OR5B3: variants seen among roughly 807,000 people sequenced by gnomAD.
OR5B3 encodes the protein olfactory receptor 5B3.
For synonymous variants in OR5B3, 150 were observed against 135.0 expected (o/e 1.11, Z -0.77); for missense variants, 430 against 375.4 (o/e 1.15, Z -1.20).
Position 58,404,091 on chromosome 11 carries a change from A to C in OR5B3, c.-26-656T>G, listed in dbSNP as rs117319700. Among the ~76,000 whole-genome samples the C allele has an allele frequency of 9.2e-5, 14 of 152,236 alleles. No individual in the cohort carries two copies. In the East Asian group the frequency reaches 2.7e-3, roughly 29 times the overall value. On this transcript the variant is annotated intron_variant, in intron 1 of 1. Coordinates refer to ENST00000641865, the MANE Select transcript of OR5B3 (RefSeq NM_001005469.2). ...TTTTGAGTTTCACAATGAAGTAAGC[A>C]AGTAATATATGCTTAGTAAATGGGC... is the stretch of plus-strand genomic sequence containing the variant.
At chr11:58,404,997 A>G (rs965487585) in intron 1 of OR5B3, among the ~76,000 whole-genome samples, 2 of 152,110 alleles carry the variant, frequency 1.3e-5, no homozygotes, top group African/African-American at 4.8e-5. Flanking sequence ...GGATCCTGTC[A>G]CCCTGGTAGT....
intron 1 of OR5B3, among the ~76,000 whole-genome samples, chr11:58,403,641 C>A (rs1288495675): frequency 6.6e-6 from 1 of 152,084 alleles, no homozygotes; most frequent in African/African-American, 2.4e-5. Flanking sequence ...AGATTATCTA[C>A]ACAACTTTTA....
Position 58,402,982 on chromosome 11 carries a change from G to A in OR5B3, c.428C>T (p.Ala143Val). 6.2e-7 allele frequency: 1 copy of A among 1,614,092 alleles called. No individual in the cohort carries two copies. ...GAAACCACAGAGGTAGGAGCCTATG[G>A]CCAGACGAGCACACACAGTTGTTGT... ...TMTTTVCARLAIGSYLCGFLN... is the reference protein window; with the variant it reads ...TMTTTVCARLVIGSYLCGFLN... The change falls in exon 2 of 2, where the codon GCC becomes GTC. Residue 143 changes from alanine to valine, a missense_variant. Physicochemically the swap from Ala to Val is moderately conservative, Grantham distance 64. Transcript: ENST00000641865.
In OR5B3 at chr11:58,402,831, G is replaced by T; in HGVS notation, c.579C>A (p.Ser193Arg). 6.2e-7 allele frequency: 1 copy of T among 1,613,716 alleles called. No homozygotes were observed. The highest frequency in any genetic ancestry group is 8.5e-7 in the Non-Finnish European group (1 of 1,179,762). Residue 193 changes from serine (S) to arginine (R), a missense_variant, in exon 2 of 2, where the codon AGC (serine) becomes AGA (arginine). By Grantham distance (110) the Ser-to-Arg change is moderately radical. Transcript: ENST00000641865. ...TCACAACATAAATAAGAACAAGCTCGCTAATATGTCTATCAGAGCAAGAGA... is the reference window on the plus strand; with the variant it reads ...TCACAACATAAATAAGAACAAGCTCTCTAATATGTCTATCAGAGCAAGAGA... ...MVLSCSDRHI[S>R]ELVLIYVVSF...
In OR5B3 at chr11:58,403,051, C is replaced by G; in HGVS notation, c.359G>C (p.Arg120Pro). 1 of 1,614,038 alleles carries G rather than the reference C, an allele frequency of 6.2e-7. No individual in the cohort carries two copies. The highest frequency in any genetic ancestry group is 8.5e-7 in the Non-Finnish European group (1 of 1,179,950). Reference protein sequence around the residue: ...NYLLASMAYDRYAAVCKPLHY... With the variant: ...NYLLASMAYDPYAAVCKPLHY... ...TAGGGGTTTGCACACTGCTGCATAGCGGTCATAGGCCATTGAGGCCAAGAG... is the reference window on the plus strand; with the variant it reads ...TAGGGGTTTGCACACTGCTGCATAGGGGTCATAGGCCATTGAGGCCAAGAG... Residue 120 changes from arginine to proline, a missense_variant, in exon 2 of 2, where the codon CGC (arginine) becomes CCC (proline). Physicochemically the swap from Arg to Pro is moderately radical, Grantham distance 103. Coordinates refer to ENST00000641865, the MANE Select transcript of OR5B3 (RefSeq NM_001005469.2).
In OR5B3 at chr11:58,406,790, T is replaced by C. The variant is rs1243221173; in HGVS notation, c.-27+11A>G. On this transcript the variant is annotated intron_variant, in intron 1 of 1. Coordinates refer to ENST00000641865, the MANE Select transcript of OR5B3 (RefSeq NM_001005469.2). ...TTGTCTCTAAAATGTTTCTTAGATA[T>C]AGAAGCTTACCTTACAGCTGGATGA... 5 of 152,200 alleles carry C rather than the reference T, an allele frequency of 3.3e-5. No homozygotes were observed. The highest frequency in any genetic ancestry group is 5.9e-5 in the Non-Finnish European group (4 of 68,038). The allele number at this position is 152,200 out of a possible 1,614,324, so 9.4% of individuals were successfully genotyped here.
chr11:58,403,396 G>T lies in OR5B3; in HGVS notation c.14C>A (p.Thr5Lys). 6.4e-7 allele frequency: 1 copy of T among 1,568,292 alleles called. No individual in the cohort carries two copies. The highest frequency in any genetic ancestry group is 1.2e-5 in the South Asian group (1 of 85,226). The stretch of plus-strand genomic sequence containing the variant: ...TAGAAGAATGAATTGTGTTACTTCT[G>T]TCTTATTTTCCATCACTGCTCTGGG... Reference protein sequence around the residue: MENKTEVTQFILLGL... With the variant: MENKKEVTQFILLGL... The change falls in exon 2 of 2, where the codon ACA becomes AAA. Residue 5 changes from threonine (T) to lysine (K), a missense_variant. Transcript: ENST00000641865.
At chr11:58,406,690 T>C (rs998873121) in intron 1 of OR5B3, 111 bp downstream of exon 1, 2 of 152,184 alleles carry the variant, frequency 1.3e-5, no homozygotes, top group African/African-American at 4.8e-5. Context: ...AGAAAAAATG[T>C]TGAAAACATC....
At chr11:58,405,815 A>C (rs1246920052) in intron 1 of OR5B3, among the ~76,000 whole-genome samples, 1 of 152,098 alleles carries the variant, frequency 6.6e-6, no homozygotes, top group Non-Finnish European at 1.5e-5. Context: ...CACGCTATTC[A>C]CAACAATGAA....
intron 1 of OR5B3, among the ~76,000 whole-genome samples, chr11:58,406,554 C>A (rs1855102353): frequency 6.6e-6 from 1 of 151,874 alleles, no homozygotes; most frequent in Admixed American, 6.6e-5. Context: ...AAATTACCAC[C>A]TAGTCAGTCA....
Position 58,402,494 on chromosome 11 carries a change from C to G in OR5B3, c.916G>C (p.Ala306Pro). The stretch of plus-strand genomic sequence containing the variant: ...ACTGACCATCCTACAGACAATTTTG[C>G]CTTCTCAACAACTTTCTTGAATGCA... ...KSAFKKVVEK[A>P]KLSVGWSV The change falls in exon 2 of 2, where the codon GCA (alanine) becomes CCA (proline). Residue 306 changes from alanine to proline, a missense_variant. Physicochemically the swap from Ala to Pro is conservative, Grantham distance 27 (BLOSUM62 -1). Transcript: ENST00000641865. 6.2e-7 allele frequency: 1 copy of G among 1,611,424 alleles called. No individual in the cohort carries two copies.
Position 58,402,676 on chromosome 11 carries a change from G to A in OR5B3, c.734C>T (p.Ala245Val). Residue 245 changes from alanine to valine, a missense_variant, in exon 2 of 2, where the codon GCA (alanine) becomes GTA (valine). Ala to Val is a moderately conservative substitution (Grantham distance 64). Transcript: ENST00000641865. ...AATAGTCCCATAGAAGATGCCGACT[G>A]CAATGAAATGAGAGGCACAGGTGGA... Reference protein sequence around the residue: ...PLSTCASHFIAVGIFYGTIIF... With the variant: ...PLSTCASHFIVVGIFYGTIIF... 1 of 1,613,870 alleles carries A rather than the reference G, an allele frequency of 6.2e-7. No individual in the cohort carries two copies. Among genetic ancestry groups the A allele is most frequent in the South Asian group, 1.1e-5 (1 of 91,084 alleles).
At position 58,403,040 on chromosome 11, in the gene OR5B3, C is replaced by G; in HGVS notation, c.370G>C (p.Val124Leu). 2 of 1,614,076 alleles carry G rather than the reference C, an allele frequency of 1.2e-6. No individual in the cohort carries two copies. Among genetic ancestry groups the G allele is most frequent in the Non-Finnish European group, 1.7e-6 (2 of 1,179,962 alleles). ...ASMAYDRYAA[V>L]CKPLHYTTTM... is the part of the protein sequence containing the mutation. ...GTGGTGTAATGTAGGGGTTTGCACA[C>G]TGCTGCATAGCGGTCATAGGCCATT... is the stretch of plus-strand genomic sequence containing the variant. Residue 124 changes from valine (V) to leucine (L), a missense_variant, in exon 2 of 2, where the codon GTG (valine) becomes CTG (leucine). Physicochemically the swap from Val to Leu is conservative, Grantham distance 32. Transcript: ENST00000641865.
In OR5B3 at chr11:58,402,560, TCAGCATGGGGATGACCATTGTATAGAACA is replaced by T; in HGVS notation, c.821_849del (p.Val274GlufsTer6). ...TTCCTCAGACTATAGACCAGAGGGTTCAGCATGGGGATGACCATTGTATAGAACACAGGTGCCATTTTGTCTGTGTCCAT... is the reference window on the plus strand; with the variant it reads ...TTCCTCAGACTATAGACCAGAGGGTTCAGGTGCCATTTTGTCTGTGTCCAT... On this transcript the variant is annotated frameshift_variant, in exon 2 of 2. Transcript: ENST00000641865. LOFTEE classifies it low-confidence loss of function (END_TRUNC). 1 of 1,613,532 alleles carries T rather than the reference TCAGCATGGGGATGACCATTGTATAGAACA, an allele frequency of 6.2e-7. No homozygotes were observed. The highest frequency in any genetic ancestry group is 8.5e-7 in the Non-Finnish European group (1 of 1,179,488).
intron 1 of OR5B3, among the ~76,000 whole-genome samples, chr11:58,403,972 G>C (rs539882299): frequency 1.3e-5 from 2 of 152,248 alleles, no homozygotes; most frequent in Non-Finnish European, 2.9e-5. Context: ...ATGCTGAATG[G>C]TTCCTAAATC....
chr11:58,403,402 T>C lies in OR5B3; in HGVS notation c.8A>G (p.Asn3Ser), dbSNP rs756717541. ME[N>S]KTEVTQFILL... Reference sequence around the variant, plus strand: ...AATGAATTGTGTTACTTCTGTCTTATTTTCCATCACTGCTCTGGGGGACTC... The same window carrying C: ...AATGAATTGTGTTACTTCTGTCTTACTTTCCATCACTGCTCTGGGGGACTC... The change falls in exon 2 of 2, where the codon AAT (asparagine) becomes AGT (serine). Residue 3 changes from asparagine (N) to serine (S), a missense_variant. Asn to Ser is a conservative substitution (Grantham distance 46, BLOSUM62 1). Coordinates refer to ENST00000641865, the MANE Select transcript of OR5B3 (RefSeq NM_001005469.2). 6.4e-7 allele frequency: 1 copy of C among 1,560,468 alleles called. No homozygotes were observed. Among genetic ancestry groups the C allele is most frequent in the South Asian group, 1.2e-5 (1 of 84,192 alleles).
chr11:58,405,981 G>A (rs577223778), intron 1 of OR5B3, among the ~76,000 whole-genome samples: 3 of 152,234 alleles, frequency 2.0e-5, no homozygotes, highest in Non-Finnish European at 4.4e-5. Context: ...GGAGAAGGGT[G>A]TCCAACCAAT....
At position 58,403,107 on chromosome 11, in the gene OR5B3, G is replaced by T; in HGVS notation, c.303C>A (p.Ile101=). Reference sequence around the variant, plus strand: ...TTTCCACAGTGGCAAAAGCTACAAAGATATACATTTGAGCAGCACATGCAT... The same window carrying T: ...TTTCCACAGTGGCAAAAGCTACAAATATATACATTTGAGCAGCACATGCAT... ...SYNACAAQMY[I]FVAFATVENY... is the part of the protein sequence containing the mutation. The change falls in exon 2 of 2, where the codon ATC becomes ATA. Residue 101 remains isoleucine (I), a synonymous_variant. Coordinates refer to ENST00000641865, the MANE Select transcript of OR5B3 (RefSeq NM_001005469.2). 6.2e-7 allele frequency: 1 copy of T among 1,614,120 alleles called. No individual in the cohort carries two copies. The highest frequency in any genetic ancestry group is 8.5e-7 in the Non-Finnish European group (1 of 1,179,964).
In OR5B3 at chr11:58,403,146, C is replaced by G; in HGVS notation, c.264G>C (p.Lys88Asn). Residue 88 changes from lysine (K) to asparagine (N), a missense_variant, in exon 2 of 2, where the codon AAG becomes AAC. By Grantham distance (94) the Lys-to-Asn change is moderately conservative. Coordinates refer to ENST00000641865, the MANE Select transcript of OR5B3 (RefSeq NM_001005469.2). Reference protein sequence around the residue: ...IVMAGFLIEDKVISYNACAAQ... With the variant: ...IVMAGFLIEDNVISYNACAAQ... Reference sequence around the variant, plus strand: ...CAGCACATGCATTGTAAGAGATGACCTTGTCTTCTATAAGGAATCCAGCCA... The same window carrying G: ...CAGCACATGCATTGTAAGAGATGACGTTGTCTTCTATAAGGAATCCAGCCA... 5.6e-6 allele frequency: 9 copies of G among 1,613,994 alleles called. No homozygotes were observed. Among genetic ancestry groups the G allele is most frequent in the Non-Finnish European group, 7.6e-6 (9 of 1,179,896 alleles).
Sources: gnomAD v4.1 joint callset for allele counts (sites outside exome capture counted in the v4.1 genomes callset) on GRCh38, gnomAD v4.1.1 for gene constraint, MANE v1.5 for transcripts, NCBI Gene and HGNC (gene_info 2026-07-23, HGNC 2026-07-21) for gene names.